Variants in FBN1 observed in about 807,000 individuals in gnomAD.
The protein encoded by FBN1 is fibrillin 1, also known as fibrillin-1.
In FBN1, 29 loss-of-function variants were observed where a neutral mutation model predicts 365.1. That is an observed-to-expected ratio of 0.08 (90% confidence interval 0.06 to 0.11). The LOEUF is 0.11. FBN1 is among the 10% of genes least tolerant of loss of function. The pLI, the probability that FBN1 is intolerant of heterozygous loss-of-function variation, is 1.00. For synonymous variants in FBN1, 1,210 were observed against 1,270.5 expected (o/e 0.95, Z 1.01); for missense variants, 2,476 against 3,703.2 (o/e 0.67, Z 8.60).
rs1456822662 is a variant in FBN1 at position 48,430,812 on chromosome 15, A to T, written c.6740-10T>A. ...TCACACTCATCCTCATCTGTAAAAAATGTACAATCACAAATTTGTCAAAGA... is the reference window on the plus strand; with the variant it reads ...TCACACTCATCCTCATCTGTAAAAATTGTACAATCACAAATTTGTCAAAGA... On this transcript the variant is annotated splice_polypyrimidine_tract_variant and intron_variant, in intron 55 of 65. Transcript: ENST00000316623. 8.1e-6 allele frequency: 13 copies of T among 1,613,018 alleles called. No individual in the cohort carries two copies. The highest frequency in any genetic ancestry group is 1.1e-5 in the Non-Finnish European group (13 of 1,179,622).
chr15:48,564,442 G>A (rs183339945), intron 6 of FBN1, among the ~76,000 whole-genome samples: 1 of 152,088 alleles, frequency 6.6e-6, no homozygotes, highest in East Asian at 1.9e-4. Flanking sequence ...AGACACTTTG[G>A]GGAGAATTAA....
rs776163620 is a variant in FBN1, at chr15:48,446,837, G to C, written c.5672-15C>G. 34 of 1,514,452 alleles carry C rather than the reference G, an allele frequency of 2.2e-5. No homozygotes were observed. The East Asian group carries it at 5.9e-4, about 26-fold the overall frequency. The allele number at this position is 1,514,452 out of a possible 1,614,324, so 93.8% of individuals were successfully genotyped here. ...TTCATTTATGTCTAGTAGGAAGAAA[G>C]GCCATAAAGAAACATAATTATAAGT... On this transcript the variant is annotated splice_polypyrimidine_tract_variant and intron_variant, in intron 46 of 65. Coordinates refer to ENST00000316623, the MANE Select transcript of FBN1 (RefSeq NM_000138.5).
Position 48,552,756 on chromosome 15 carries a change from T to A in FBN1, c.539-14948A>T, listed in dbSNP as rs545450335. On this transcript the variant is annotated intron_variant, in intron 6 of 65. Transcript: ENST00000316623. ...ATTATGTTGTCATTTGACATATATA[T>A]GAGTGAATAATCCAAGCATAAGATA... 5.3e-5 allele frequency among the ~76,000 whole-genome samples: 8 copies of A among 152,328 alleles called. No homozygotes were observed. In the South Asian group the frequency reaches 1.7e-3, roughly 32 times the overall value.
At chr15:48,447,367 A>G (rs889394828) in intron 46 of FBN1, among the ~76,000 whole-genome samples, 16 of 152,156 alleles carry the variant, frequency 1.1e-4, no homozygotes, top group Non-Finnish European at 2.4e-4. Context: ...AACTTCCACC[A>G]ATGATGACTT....
In FBN1 at chr15:48,430,770, A is replaced by C. The variant is rs1057520617; in HGVS notation, c.6772T>G (p.Cys2258Gly). ...EDECEEGKHD[C>G]TEKQMECKNL... is the part of the protein sequence containing the mutation. ...TTGCATTCCATTTGTTTTTCAGTAC[A>C]GTCATGTTTTCCCTCTTCACACTCA... Residue 2258 changes from cysteine (C) to glycine (G), a missense_variant, in exon 56 of 66, where the codon TGT becomes GGT. Cys to Gly is a radical substitution (Grantham distance 159). Transcript: ENST00000316623. The C allele has an allele frequency of 6.2e-7, 1 of 1,613,792 alleles. No homozygotes were observed. The highest frequency in any genetic ancestry group is 8.5e-7 in the Non-Finnish European group (1 of 1,179,860).
chr15:48,459,538 T>C (rs2043265642), intron 43 of FBN1, among the ~76,000 whole-genome samples: 1 of 152,216 alleles, frequency 6.6e-6, no homozygotes, highest in South Asian at 2.1e-4. Flanking sequence ...TAGACACAAC[T>C]GTGCAGACTT....
chr15:48,491,253 CACTATAA>C (rs2043555520), intron 24 of FBN1, among the ~76,000 whole-genome samples: 2 of 152,118 alleles, frequency 1.3e-5, no homozygotes, highest in Non-Finnish European at 2.9e-5. Flanking sequence ...TATTTATTTA[CACTATAA>C]ACTATAAAGT....
intron 2 of FBN1, among the ~76,000 whole-genome samples, chr15:48,635,964 A>T (rs1457363242): frequency 6.6e-6 from 1 of 152,258 alleles, no homozygotes; most frequent in Non-Finnish European, 1.5e-5. Context: ...ACTGAACTTG[A>T]TCAAGTTAGA....
chr15:48,612,789 G>C (rs541935881), intron 3 of FBN1, among the ~76,000 whole-genome samples: 6 of 152,260 alleles, frequency 3.9e-5, no homozygotes, highest in African/African-American at 1.2e-4. Context: ...ATATGTAAAT[G>C]ACACAACCTC....
At chr15:48,593,830 C>T (rs2044497581) in intron 6 of FBN1, among the ~76,000 whole-genome samples, 1 of 152,016 alleles carries the variant, frequency 6.6e-6, no homozygotes, top group Non-Finnish European at 1.5e-5. Flanking sequence ...GGAGAGAGTA[C>T]TAAGGGAAAA....
intron 4 of FBN1, among the ~76,000 whole-genome samples, chr15:48,602,339 T>C (rs2044573844): frequency 6.6e-6 from 1 of 152,212 alleles, no homozygotes; most frequent in South Asian, 2.1e-4. Context: ...TTTTGCCCCA[T>C]CTCATTTGTT....
At position 48,498,998 on chromosome 15, in the gene FBN1, C is replaced by T. The variant is rs377033515; in HGVS notation, c.2154G>A (p.Thr718=). Residue 718 remains threonine, a synonymous_variant, in exon 18 of 66, where the codon ACG becomes ACA. Transcript: ENST00000316623. ...QALCSSGPGM[T]SAGSDINECA... ...AGGAATCCTTACCACTGCCTGCTGA[C>T]GTCATTCCTGGCCCACTGCTGCAGA... The T allele has an allele frequency of 2.5e-5, 40 of 1,614,174 alleles. No homozygotes were observed. Among genetic ancestry groups the T allele is most frequent in the South Asian group, 3.3e-5 (3 of 91,084 alleles).
intron 10 of FBN1, among the ~76,000 whole-genome samples, chr15:48,517,481 T>A (rs1358352211): frequency 6.6e-6 from 1 of 152,200 alleles, no homozygotes; most frequent in East Asian, 1.9e-4. Context: ...AATGAGGACA[T>A]CCTGACTTCA....
rs145918998 is a variant in FBN1 at position 48,598,165 on chromosome 15, C to T, written c.443-1787G>A. Among the ~76,000 whole-genome samples the T allele has an allele frequency of 1.3e-3, 196 of 152,306 alleles. 1 individual carries two copies. Among genetic ancestry groups the T allele is most frequent in the African/African-American group, 4.5e-3 (189 of 41,572 alleles). On this transcript the variant is annotated intron_variant, in intron 5 of 65. Transcript: ENST00000316623. The stretch of plus-strand genomic sequence containing the variant: ...AAGGTTGGTATTTCACAAGAGTAAA[C>T]ACATGGGCTATGGAGTCAGACTGCT...
chr15:48,424,920 A>T (rs2042967410), intron 60 of FBN1, among the ~76,000 whole-genome samples: 1 of 152,210 alleles, frequency 6.6e-6, no homozygotes, highest in South Asian at 2.1e-4. Flanking sequence ...GCAGAACAAA[A>T]ATCTGGACAC....
chr15:48,495,789 G>A (rs1200153773), intron 20 of FBN1, among the ~76,000 whole-genome samples: 1 of 152,090 alleles, frequency 6.6e-6, no homozygotes, highest in Non-Finnish European at 1.5e-5. Context: ...TATAGAATAC[G>A]GGACTTGGCT....
intron 2 of FBN1, chr15:48,641,202 G>T (rs1890190725): frequency 6.6e-6 from 1 of 151,994 alleles, no homozygotes; most frequent in African/African-American, 2.4e-5. Flanking sequence ...ACAGAAATTG[G>T]CAATTTACTC....
intron 15 of FBN1, among the ~76,000 whole-genome samples, chr15:48,507,096 TG>T (rs746755886): frequency 2.6e-5 from 4 of 152,198 alleles, no homozygotes; most frequent in Non-Finnish European, 5.9e-5. Context: ...CATTATCTAT[TG>T]GCCATACTTA....
chr15:48,610,148 A>T (rs1198184675), intron 4 of FBN1, among the ~76,000 whole-genome samples: 1 of 152,230 alleles, frequency 6.6e-6, no homozygotes, highest in African/African-American at 2.4e-5. Flanking sequence ...AAAGAAAAAC[A>T]ACAGAACAAG....
Sources: allele counts gnomAD v4.1 joint callset (sites outside exome capture counted in the v4.1 genomes callset), GRCh38; gene constraint gnomAD v4.1.1; transcripts MANE v1.5; gene names NCBI Gene and HGNC (gene_info 2026-07-23, HGNC 2026-07-21).